Variants in PCDHGB6 observed in about 807,000 individuals in gnomAD.
PCDHGB6 encodes the protein protocadherin gamma-B6.
PCDHGB6 carries 51 observed loss-of-function variants against 59.1 expected under a neutral mutation model. The observed-to-expected ratio is 0.86, with a 90% CI of 0.69 to 1.09. The LOEUF is 1.09. PCDHGB6 is among the 50% of genes least tolerant of loss of function. PCDHGB6 has a pLI of 0.00. For missense variants in PCDHGB6, 1,148 were observed against 1,205.1 expected (o/e 0.95, Z 0.70); for synonymous variants, 466 against 495.1 (o/e 0.94, Z 0.78).
At chr5:141,427,440 G>A (rs747459662) in intron 1 of PCDHGB6, 1 of 477,484 alleles carries the variant, frequency 2.1e-6, no homozygotes, top group South Asian at 1.5e-5. Flanking sequence ...CCTCATAAAC[G>A]AAAGAGTTCC....
Position 141,432,694 on chromosome 5 carries a change from C to A in PCDHGB6, c.2418+22074C>A. 1 of 1,613,936 alleles carries A rather than the reference C, an allele frequency of 6.2e-7. No homozygotes were observed. The highest frequency in any genetic ancestry group is 8.5e-7 in the Non-Finnish European group (1 of 1,179,964). On this transcript the variant is annotated intron_variant, in intron 1 of 3. Transcript: ENST00000520790. This position sits in a 1 kb window ranked among gnomAD's most constrained non-coding sequence, Gnocchi z 6.0. Reference sequence around the variant, plus strand: ...CGCTCAAGCAGAGCCTCGTAGTGGCCGTCCAGGACCACGGCCAGCCCCCTC... The same window carrying A: ...CGCTCAAGCAGAGCCTCGTAGTGGCAGTCCAGGACCACGGCCAGCCCCCTC...
In PCDHGB6 at chr5:141,493,269, C is replaced by T. The variant is rs142898207; in HGVS notation, c.2419-1538C>T. ...ACATGCCTCTCTTATAACAGCTTCA[C>T]AGAGGTCAAGTGACTTGCTCAAGTT... is the stretch of plus-strand genomic sequence containing the variant. On this transcript the variant is annotated intron_variant, in intron 1 of 3. Coordinates refer to ENST00000520790, the MANE Select transcript of PCDHGB6 (RefSeq NM_018926.3). This position sits in a 1 kb window ranked among gnomAD's most constrained non-coding sequence, Gnocchi z 4.3. Among the ~76,000 whole-genome samples the T allele has an allele frequency of 1.3e-5, 2 of 152,322 alleles. No individual in the cohort carries two copies. The highest frequency in any genetic ancestry group is 4.8e-5 in the African/African-American group (2 of 41,570).
intron 1 of PCDHGB6, chr5:141,423,110 G>C: frequency 6.2e-7 from 1 of 1,613,842 alleles, no homozygotes; most frequent in Non-Finnish European, 8.5e-7. Context: ...GGCGAGGTGC[G>C]TACAGCGCGG....
rs374200575 is a variant in PCDHGB6, at chr5:141,432,105, C to T, written c.2418+21485C>T. On this transcript the variant is annotated intron_variant, in intron 1 of 3. Transcript: ENST00000520790. The surrounding 1 kb of genome is among the most constrained non-coding windows in gnomAD (Gnocchi z 6.0). ...AACGTGGCAGACACCAACGACAACC[C>T]GCCGGTCTTCCCTCAGGCCTCCTAT... 1.9e-6 allele frequency: 3 copies of T among 1,614,172 alleles called. No homozygotes were observed. Among genetic ancestry groups the T allele is most frequent in the Admixed American group, 3.3e-5 (2 of 60,032 alleles).
rs745457172 is a variant in PCDHGB6 at position 141,490,744 on chromosome 5, C to T, written c.2419-4063C>T. The stretch of plus-strand genomic sequence containing the variant: ...TGTAGGAAATCAGGTTCAGGGAGCC[C>T]CAGCCTCCTCCTTTGTGTATGTCAA... On this transcript the variant is annotated intron_variant, in intron 1 of 3. Coordinates refer to ENST00000520790, the MANE Select transcript of PCDHGB6 (RefSeq NM_018926.3). The surrounding 1 kb of genome is among the most constrained non-coding windows in gnomAD (Gnocchi z 5.4). 1 of 1,614,142 alleles carries T rather than the reference C, an allele frequency of 6.2e-7. No homozygotes were observed. Among genetic ancestry groups the T allele is most frequent in the Non-Finnish European group, 8.5e-7 (1 of 1,180,006 alleles).
chr5:141,418,714 T>C, intron 1 of PCDHGB6: 4 of 1,614,000 alleles, frequency 2.5e-6, no homozygotes, highest in Non-Finnish European at 3.4e-6. Flanking sequence ...TTGGTGTGGC[T>C]GACAAAGCTC....
intron 2 of PCDHGB6, among the ~76,000 whole-genome samples, chr5:141,503,994 A>C (rs1330628079): frequency 6.6e-6 from 1 of 152,158 alleles, no homozygotes; most frequent in Non-Finnish European, 1.5e-5. Context: ...CTTACCTTAC[A>C]GTCACTTAAC....
rs553860713 is a variant in PCDHGB6, at chr5:141,410,124, G to C, written c.1922G>C (p.Arg641Pro). Residue 641 changes from arginine (R) to proline (P), a missense_variant, in exon 1 of 4, where the codon CGC becomes CCC. Around this residue, in one of 5 missense-constraint regions of PCDHGB6, gnomAD observed 549 missense variants for 527.5 expected, o/e 1.04. Coordinates refer to ENST00000520790, the MANE Select transcript of PCDHGB6 (RefSeq NM_018926.3). ...GGCGACAGGGACGCAGCCCGCCAGC[G>C]CCTGCTGGTCGCTGTGCGTGACGGT... is the stretch of plus-strand genomic sequence containing the variant. ...ALGDRDAARQ[R>P]LLVAVRDGGQ... 1.2e-5 allele frequency: 20 copies of C among 1,612,726 alleles called. No homozygotes were observed. In the South Asian group the frequency reaches 2.2e-4, roughly 18 times the overall value.
At chr5:141,449,471 G>T (rs1261821886) in intron 1 of PCDHGB6, among the ~76,000 whole-genome samples, 1 of 151,060 alleles carries the variant, frequency 6.6e-6, no homozygotes, top group African/African-American at 2.4e-5. Flanking sequence ...GCCAGGCCTG[G>T]TACCCCATGC....
At chr5:141,479,242 A>G (rs2099491093) in intron 1 of PCDHGB6, 1 of 152,320 alleles carries the variant, frequency 6.6e-6, no homozygotes, top group African/African-American at 2.4e-5. Context: ...AAACCCAAAG[A>G]TAACCATTTT....
Position 141,491,466 on chromosome 5 carries a change from T to G in PCDHGB6, c.2419-3341T>G. The G allele has an allele frequency of 6.2e-7, 1 of 1,614,068 alleles. No individual in the cohort carries two copies. Among genetic ancestry groups the G allele is most frequent in the Non-Finnish European group, 8.5e-7 (1 of 1,179,986 alleles). ...AGGACTCACCCTCCCCGGACTTCTA[T>G]AAGCAGTCCAGCCCCAACCTGCAGG... On this transcript the variant is annotated intron_variant, in intron 1 of 3. Coordinates refer to ENST00000520790, the MANE Select transcript of PCDHGB6 (RefSeq NM_018926.3). This position sits in a 1 kb window ranked among gnomAD's most constrained non-coding sequence, Gnocchi z 6.9.
chr5:141,421,464 T>A lies in PCDHGB6; in HGVS notation c.2418+10844T>A, dbSNP rs773727821. ...GGAAGACACAGCTTTTCGCTGTGAA[T>A]CCGCGAAGCGGCAGCTTGATCACGG... On this transcript the variant is annotated intron_variant, in intron 1 of 3. Transcript: ENST00000520790. 17 of 1,613,972 alleles carry A rather than the reference T, an allele frequency of 1.1e-5. No individual in the cohort carries two copies. In the East Asian group the frequency reaches 3.6e-4, roughly 34 times the overall value.
In PCDHGB6 at chr5:141,409,592, A is replaced by G; in HGVS notation, c.1390A>G (p.Asn464Asp). The G allele has an allele frequency of 6.2e-7, 1 of 1,613,898 alleles. No individual in the cohort carries two copies. Among genetic ancestry groups the G allele is most frequent in the African/African-American group, 1.3e-5 (1 of 75,076 alleles). ...QTSYVVHVAENNPPGASIAQV... is the reference protein window; with the variant it reads ...QTSYVVHVAEDNPPGASIAQV... ...GTCCTACGTGGTCCACGTGGCCGAG[A>G]ACAACCCGCCAGGAGCCTCCATTGC... The change falls in exon 1 of 4, where the codon AAC (asparagine) becomes GAC (aspartate). Residue 464 changes from asparagine to aspartate, a missense_variant. Asn to Asp is a conservative substitution (Grantham distance 23). Around this residue, in one of 5 missense-constraint regions of PCDHGB6, gnomAD observed 549 missense variants for 527.5 expected, o/e 1.04. Coordinates refer to ENST00000520790, the MANE Select transcript of PCDHGB6 (RefSeq NM_018926.3).
intron 1 of PCDHGB6, chr5:141,421,930 G>T (rs780569992): frequency 3.1e-6 from 5 of 1,613,480 alleles, no homozygotes; most frequent in Non-Finnish European, 4.2e-6. Context: ...GGTGGTCCTC[G>T]ATGTAAATGA....
Position 141,487,910 on chromosome 5 carries a change from C to T in PCDHGB6, c.2419-6897C>T, listed in dbSNP as rs2099668803. The T allele has an allele frequency of 3.0e-6, 2 of 661,468 alleles. No individual in the cohort carries two copies. Among genetic ancestry groups the T allele is most frequent in the Non-Finnish European group, 5.1e-6 (2 of 388,904 alleles). The allele number at this position is 661,468 out of a possible 1,614,324, so 41.0% of individuals were successfully genotyped here. ...AGCATGATGATGGAATGTGGGAGCA[C>T]AGGAGGCTACAGTGCACAGGGTACA... On this transcript the variant is annotated intron_variant, in intron 1 of 3. Transcript: ENST00000520790. The surrounding 1 kb of genome is among the most constrained non-coding windows in gnomAD (Gnocchi z 5.0).
intron 1 of PCDHGB6, chr5:141,427,931 G>C: frequency 6.3e-7 from 1 of 1,583,764 alleles, no homozygotes; most frequent in Non-Finnish European, 8.6e-7. Flanking sequence ...GGCGCATGTT[G>C]GTGGGCGACC....
At chr5:141,421,754 A>G (rs1230343518) in intron 1 of PCDHGB6, 4 of 1,613,918 alleles carry the variant, frequency 2.5e-6, no homozygotes, top group East Asian at 2.2e-5. Context: ...CTCAGCCCTA[A>G]TAATTACTTT....
chr5:141,414,550 G>A (rs773044624), intron 1 of PCDHGB6: 1 of 1,613,948 alleles, frequency 6.2e-7, no homozygotes, highest in East Asian at 2.2e-5. Flanking sequence ...CTTCTCTCAA[G>A]TCTCCTACTT....
rs1223618064 is a variant in PCDHGB6 at position 141,512,867 on chromosome 5, C to T, written c.*1694C>T. On this transcript the variant is annotated 3_prime_UTR_variant, in exon 4 of 4. Transcript: ENST00000520790. The stretch of plus-strand genomic sequence containing the variant: ...ATAAGCGCTTCTCTTCGCATAGTCA[C>T]GTAGCTCCCACCCCACCCTCTTCCT... 1 of 152,184 alleles carries T rather than the reference C, an allele frequency of 6.6e-6. No homozygotes were observed. The highest frequency in any genetic ancestry group is 1.5e-5 in the Non-Finnish European group (1 of 68,056). The allele number at this position is 152,184 out of a possible 1,614,324, so 9.4% of individuals were successfully genotyped here. A position where few individuals can be genotyped will look rare whatever the true frequency, so the allele number is the denominator to read the frequency against.
Sources: allele counts gnomAD v4.1 joint callset (sites outside exome capture counted in the v4.1 genomes callset), GRCh38; gene constraint gnomAD v4.1.1; regional missense constraint gnomAD v4.1.1; non-coding constraint Gnocchi (gnomAD v3.1); transcripts MANE v1.5; gene names NCBI Gene and HGNC (gene_info 2026-07-23, HGNC 2026-07-21).